TPD52L2: variants seen among roughly 807,000 people sequenced by gnomAD.
TPD52L2 encodes the protein TPD52 like 2.
A neutral mutation model predicts 24.7 loss-of-function variants in TPD52L2; 19 were observed. The observed-to-expected ratio is 0.77, with a 90% CI of 0.54 to 1.13. The LOEUF (loss-of-function observed/expected upper bound fraction) is 1.13, where lower values mean the gene tolerates loss of function less well. TPD52L2 is among the 50% of genes most tolerant of loss of function. The probability of loss-of-function intolerance (pLI) is 0.00; values close to 1 mark genes in which losing one functional copy is unlikely to be tolerated. For synonymous variants in TPD52L2, 104 were observed against 100.2 expected (o/e 1.04, Z -0.23); for missense variants, 236 against 250.4 (o/e 0.94, Z 0.39).
intron 6 of TPD52L2, among the ~76,000 whole-genome samples, chr20:63,889,627 G>C (rs930259890): frequency 7.9e-5 from 12 of 152,220 alleles, no homozygotes; most frequent in African/African-American, 2.7e-4. Flanking sequence ...CACGTAAATG[G>C]AACGATACAG....
intron 4 of TPD52L2, among the ~76,000 whole-genome samples, chr20:63,881,467 C>T (rs1318211730): frequency 6.6e-6 from 1 of 152,172 alleles, no homozygotes; most frequent in Non-Finnish European, 1.5e-5. Flanking sequence ...TGGTGGGTCA[C>T]ACACTCTTGT....
rs915137303 is a variant in TPD52L2, at chr20:63,877,860, G to A, written c.374+1985G>A. On this transcript the variant is annotated intron_variant, in intron 4 of 6. Coordinates refer to ENST00000346249, the MANE Select transcript of TPD52L2 (RefSeq NM_003288.4). The surrounding 1 kb of genome is among the most constrained non-coding windows in gnomAD (Gnocchi z 4.1). The stretch of plus-strand genomic sequence containing the variant: ...AGAGTGGAAGCGTTTCTGCCGGGAA[G>A]GCCCAGGCCGAGGGCGATGGTTTCT... Among the ~76,000 whole-genome samples, 2 of 152,022 alleles carry A rather than the reference G, an allele frequency of 1.3e-5. No individual in the cohort carries two copies. Among genetic ancestry groups the A allele is most frequent in the Admixed American group, 6.5e-5 (1 of 15,276 alleles).
intron 4 of TPD52L2, among the ~76,000 whole-genome samples, chr20:63,879,557 C>T (rs1176468278): frequency 6.6e-6 from 1 of 152,182 alleles, no homozygotes; most frequent in Non-Finnish European, 1.5e-5. Flanking sequence ...TCTCCAACTT[C>T]GGTTTCCCCA....
At chr20:63,866,607 G>A (rs1335641597) in intron 1 of TPD52L2, among the ~76,000 whole-genome samples, 1 of 151,514 alleles carries the variant, frequency 6.6e-6, no homozygotes. Flanking sequence ...GACTACAGGC[G>A]CCCGCCATCA....
At chr20:63,872,695 TTTG>T (rs1196810962) in intron 2 of TPD52L2, among the ~76,000 whole-genome samples, 13 of 146,760 alleles carry the variant, frequency 8.9e-5, no homozygotes, top group Middle Eastern at 3.7e-3. Flanking sequence ...TCACCATTTT[TTTG>T]TTGTTGTTGT....
chr20:63,865,299 G>C lies in TPD52L2; in HGVS notation c.-67G>C, dbSNP rs556531802. 1.7e-3 allele frequency: 2,520 copies of C among 1,487,232 alleles called. 11 individuals are homozygous for C. Among genetic ancestry groups the C allele is most frequent in the South Asian group, 7.0e-3 (549 of 77,928 alleles). The allele number at this position is 1,487,232 out of a possible 1,614,324, so 92.1% of individuals were successfully genotyped here. A position where few individuals can be genotyped will look rare whatever the true frequency, so the allele number is the denominator to read the frequency against. On this transcript the variant is annotated 5_prime_UTR_variant, in exon 1 of 7. Coordinates refer to ENST00000346249, the MANE Select transcript of TPD52L2 (RefSeq NM_003288.4). ...CCGCTGGCTAGTGTGTACGCGGCGA[G>C]CTTCTCCCGGCGCCGCCCGCTCGGC...
intron 4 of TPD52L2, among the ~76,000 whole-genome samples, chr20:63,882,171 G>A (rs1336270408): frequency 6.6e-6 from 1 of 152,258 alleles, no homozygotes; most frequent in African/African-American, 2.4e-5. Context: ...TGTGACGCTC[G>A]TTCCCCACAG....
At chr20:63,887,444 G>A (rs954668658) in intron 5 of TPD52L2, 40 of 1,105,100 alleles carry the variant, frequency 3.6e-5, no homozygotes, top group East Asian at 1.2e-4. Flanking sequence ...CAGGCAGCTC[G>A]CTCCAACTGC....
At chr20:63,867,332 G>A (rs79459029) in intron 1 of TPD52L2, among the ~76,000 whole-genome samples, 5 of 152,150 alleles carry the variant, frequency 3.3e-5, no homozygotes, top group Non-Finnish European at 5.9e-5. Flanking sequence ...TTGGGAGGCC[G>A]AGGCCAGTGG....
intron 1 of TPD52L2, among the ~76,000 whole-genome samples, chr20:63,868,633 G>T (rs1161361956): frequency 4.6e-5 from 7 of 152,178 alleles, no homozygotes; most frequent in Non-Finnish European, 8.8e-5. Flanking sequence ...ACCATATTAG[G>T]TTCCTTTTTT....
intron 5 of TPD52L2, chr20:63,888,069 T>G (rs923622328): frequency 1.1e-5 from 2 of 187,418 alleles, no homozygotes; most frequent in South Asian, 1.8e-4. Context: ...GGCACTGCCC[T>G]GATTCTCAGG....
At chr20:63,883,961 C>T (rs918922359) in intron 5 of TPD52L2, among the ~76,000 whole-genome samples, 1 of 152,192 alleles carries the variant, frequency 6.6e-6, no homozygotes, top group African/African-American at 2.4e-5. Context: ...AGGACACAGA[C>T]GGCCACACAC....
chr20:63,875,804 T>C lies in TPD52L2; in HGVS notation c.315-12T>C. ...TCTTCTAAATAATTCACTGTAGACT[T>C]TCTGTTTTTAGCTATGTGAAAACTT... On this transcript the variant is annotated splice_polypyrimidine_tract_variant and intron_variant, in intron 3 of 6. Coordinates refer to ENST00000346249, the MANE Select transcript of TPD52L2 (RefSeq NM_003288.4). 6.2e-7 allele frequency: 1 copy of C among 1,613,898 alleles called. No homozygotes were observed. Among genetic ancestry groups the C allele is most frequent in the Non-Finnish European group, 8.5e-7 (1 of 1,179,800 alleles).
chr20:63,885,377 T>C (rs2053053985), intron 5 of TPD52L2, among the ~76,000 whole-genome samples: 1 of 152,188 alleles, frequency 6.6e-6, no homozygotes, highest in African/African-American at 2.4e-5. Flanking sequence ...GAGTTGAGTG[T>C]TTCTCAGTTC....
chr20:63,881,819 CTG>C (rs1459606250), intron 4 of TPD52L2, among the ~76,000 whole-genome samples: 1 of 152,162 alleles, frequency 6.6e-6, no homozygotes, highest in Non-Finnish European at 1.5e-5. Context: ...TCAGAGTCTG[CTG>C]TGTTTTGTGT....
intron 5 of TPD52L2, among the ~76,000 whole-genome samples, chr20:63,886,250 C>T (rs967625167): frequency 6.6e-6 from 1 of 152,176 alleles, no homozygotes; most frequent in Non-Finnish European, 1.5e-5. Context: ...CCCGGAACCC[C>T]CCGGCCCTTC....
chr20:63,876,138 G>A (rs1214273736), intron 4 of TPD52L2, among the ~76,000 whole-genome samples: 1 of 152,194 alleles, frequency 6.6e-6, no homozygotes, highest in Non-Finnish European at 1.5e-5. Context: ...TATGTAAGAG[G>A]CCTGCACTGG....
intron 2 of TPD52L2, among the ~76,000 whole-genome samples, chr20:63,873,366 G>A (rs1325907025): frequency 1.3e-5 from 2 of 151,968 alleles, no homozygotes; most frequent in African/African-American, 2.4e-5. Flanking sequence ...GCACACGCCT[G>A]TAATCCCAGC....
At chr20:63,867,674 A>G (rs908498707) in intron 1 of TPD52L2, among the ~76,000 whole-genome samples, 2 of 152,098 alleles carry the variant, frequency 1.3e-5, no homozygotes, top group Non-Finnish European at 2.9e-5. Context: ...GGGACATTTG[A>G]AGGGAGTGAG....
Sources: gnomAD v4.1 joint callset for allele counts (sites outside exome capture counted in the v4.1 genomes callset) on GRCh38, gnomAD v4.1.1 for gene constraint, Gnocchi (gnomAD v3.1) non-coding constraint, MANE v1.5 for transcripts, NCBI Gene and HGNC (gene_info 2026-07-23, HGNC 2026-07-21) for gene names.